ADAM9: variants seen among roughly 807,000 people sequenced by gnomAD.
ADAM9 encodes disintegrin and metalloproteinase domain-containing protein 9.
A neutral mutation model predicts 108.1 loss-of-function variants in ADAM9; 54 were observed. The observed-to-expected ratio is 0.50, with a 90% CI of 0.40 to 0.63. The LOEUF is 0.63. Among genes scored for constraint, ADAM9 ranks in the 20% least tolerant of loss-of-function variants. The probability of loss-of-function intolerance (pLI) is 0.00; values close to 1 mark genes in which losing one functional copy is unlikely to be tolerated. For missense variants in ADAM9, 830 were observed against 997.7 expected (o/e 0.83, Z 2.26); for synonymous variants, 316 against 336.0 (o/e 0.94, Z 0.65).
intron 14 of ADAM9, 96 bp from the exon 15 acceptor site, chr8:39,071,202 C>A: frequency 9.0e-7 from 1 of 1,113,074 alleles, no homozygotes; most frequent in Non-Finnish European, 1.3e-6. Context: ...TGAGGCTGTT[C>A]ATCCAGGTGT....
chr8:39,016,120 T>A lies in ADAM9; in HGVS notation c.336T>A (p.Asn112Lys). The change falls in exon 5 of 22, where the codon AAT (asparagine) becomes AAA (lysine). Residue 112 changes from asparagine (N) to lysine (K), a missense_variant and splice_region_variant. Asn to Lys is a moderately conservative substitution (Grantham distance 94). Coordinates refer to ENST00000487273, the MANE Select transcript of ADAM9 (RefSeq NM_003816.3). ...ATAATACAGTATTTTTCATTTAGAA[T>A]CATTGTCATTATCGGGGCTATGTGG... The part of the protein sequence containing the change: ...TLITDHPNIQ[N>K]HCHYRGYVEG... 6.2e-7 allele frequency: 1 copy of A among 1,613,262 alleles called. No individual in the cohort carries two copies. The highest frequency in any genetic ancestry group is 1.1e-5 in the South Asian group (1 of 91,056).
chr8:39,090,154 A>G lies in ADAM9; in HGVS notation c.2176A>G (p.Ser726Gly). ...IFIKRDQLWR[S>G]YFRKKRSQTY... is the part of the protein sequence containing the mutation. ...CATCAAGAGGGATCAACTGTGGAGA[A>G]GCTACTTCAGAAAGAAGAGATCACA... Residue 726 changes from serine to glycine, a missense_variant, in exon 19 of 22, where the codon AGC (serine) becomes GGC (glycine). Ser to Gly is a moderately conservative substitution (Grantham distance 56, BLOSUM62 0). This residue lies in a region of ADAM9 where 238 missense variants were observed against 235.7 expected (regional missense o/e 1.01). Transcript: ENST00000487273. 6.2e-7 allele frequency: 1 copy of G among 1,613,914 alleles called. No individual in the cohort carries two copies. The highest frequency in any genetic ancestry group is 1.1e-5 in the South Asian group (1 of 91,064).
chr8:39,014,640 G>T, intron 4 of ADAM9: 1 of 697,608 alleles, frequency 1.4e-6, no homozygotes, highest in Non-Finnish European at 2.6e-6. Context: ...GTGTTTTACA[G>T]TCCTTTTTGG....
chr8:39,033,503 T>A (rs184498256), intron 11 of ADAM9, among the ~76,000 whole-genome samples: 3 of 152,102 alleles, frequency 2.0e-5, no homozygotes, highest in East Asian at 3.9e-4. Context: ...TGTTTTTTTT[T>A]ATTTTTAATA....
intron 1 of ADAM9, among the ~76,000 whole-genome samples, chr8:39,006,596 A>G (rs1411584305): frequency 1.1e-5 from 1 of 94,118 alleles, no homozygotes; most frequent in Non-Finnish European, 2.4e-5. Flanking sequence ...AGCCATTGGT[A>G]ATAATGCTGG....
At chr8:39,101,595 G>A (rs1839696125) in intron 20 of ADAM9, among the ~76,000 whole-genome samples, 1 of 152,064 alleles carries the variant, frequency 6.6e-6, no homozygotes, top group African/African-American at 2.4e-5. Context: ...TTACCCTGAG[G>A]TTATATGTAT....
intron 20 of ADAM9, among the ~76,000 whole-genome samples, chr8:39,100,312 A>ACC (rs1329971380): frequency 1.4e-5 from 2 of 145,960 alleles, no homozygotes; most frequent in African/African-American, 5.1e-5. Flanking sequence ...ACATGGTGAA[A>ACC]CCCCGTCTCT....
At chr8:39,070,145 T>C in intron 14 of ADAM9, among the ~76,000 whole-genome samples, 1 of 109,508 alleles carries the variant, frequency 9.1e-6, no homozygotes, top group Admixed American at 1.1e-4. Context: ...AGAATGAGAC[T>C]CTGTCTCAAA....
At chr8:39,068,108 T>C (rs1009538895) in intron 14 of ADAM9, among the ~76,000 whole-genome samples, 1 of 152,188 alleles carries the variant, frequency 6.6e-6, no homozygotes, top group African/African-American at 2.4e-5. Flanking sequence ...CTGTTTCATA[T>C]TACCTTTTTT....
intron 12 of ADAM9, among the ~76,000 whole-genome samples, chr8:39,051,135 A>G (rs1179485238): frequency 6.6e-6 from 1 of 152,236 alleles, no homozygotes; most frequent in South Asian, 2.1e-4. Context: ...GGGATCTAAT[A>G]TATTCCAGGT....
At chr8:38,997,843 A>G (rs917850085) in intron 1 of ADAM9, among the ~76,000 whole-genome samples, 1 of 152,224 alleles carries the variant, frequency 6.6e-6, no homozygotes, top group African/African-American at 2.4e-5. Flanking sequence ...TTAAATCCGG[A>G]CAGATAATCC....
intron 11 of ADAM9, among the ~76,000 whole-genome samples, chr8:39,038,403 T>C (rs1414849646): frequency 6.6e-6 from 1 of 152,162 alleles, no homozygotes; most frequent in East Asian, 1.9e-4. Context: ...TATAGTGTTT[T>C]CCTCCCAGAT....
chr8:39,012,281 G>A (rs1261618737), intron 3 of ADAM9, among the ~76,000 whole-genome samples: 2 of 152,300 alleles, frequency 1.3e-5, no homozygotes, highest in African/African-American at 2.4e-5. Flanking sequence ...TGCTGATCAT[G>A]TAGCTAAAGT....
intron 12 of ADAM9, among the ~76,000 whole-genome samples, chr8:39,045,022 GTGTGTGCATACATACATATGTATGTGTA>G (rs1837593402): frequency 7.6e-6 from 1 of 131,274 alleles, no homozygotes; most frequent in Non-Finnish European, 1.6e-5. Flanking sequence ...ATGTGTATGT[GTGTGTGCATACATACATATGTATGTGTA>G]TGTGTGTGTG....
At chr8:39,035,846 A>C (rs542607241) in intron 11 of ADAM9, among the ~76,000 whole-genome samples, 73 of 152,148 alleles carry the variant, frequency 4.8e-4, no homozygotes, top group South Asian at 6.2e-4. Flanking sequence ...CAAAACAAAA[A>C]AAAGAATAAT....
At chr8:39,056,050 G>T (rs1370482696) in intron 14 of ADAM9, among the ~76,000 whole-genome samples, 1 of 151,942 alleles carries the variant, frequency 6.6e-6, no homozygotes, top group Non-Finnish European at 1.5e-5. Context: ...GTTGAATTGT[G>T]CACAAGGATC....
intron 14 of ADAM9, 33 bp from the exon 15 acceptor site, chr8:39,071,265 T>C: frequency 3.7e-6 from 6 of 1,602,348 alleles, no homozygotes; most frequent in Non-Finnish European, 5.1e-6. Flanking sequence ...GCCATAACTT[T>C]TTTTTTCTTT....
At chr8:39,019,337 A>G (rs1353840095) in intron 7 of ADAM9, among the ~76,000 whole-genome samples, 2 of 152,188 alleles carry the variant, frequency 1.3e-5, no homozygotes, top group Non-Finnish European at 2.9e-5. Context: ...AGAGATGGAA[A>G]ACCTCCAGGT....
intron 14 of ADAM9, among the ~76,000 whole-genome samples, chr8:39,063,579 A>G (rs571554258): frequency 2.2e-4 from 33 of 152,266 alleles, no homozygotes; most frequent in African/African-American, 7.5e-4. Context: ...AAAATTAGCC[A>G]GGCATAGTGG....
Sources: allele counts gnomAD v4.1 joint callset (sites outside exome capture counted in the v4.1 genomes callset), GRCh38; gene constraint gnomAD v4.1.1; regional missense constraint gnomAD v4.1.1; transcripts MANE v1.5; gene names NCBI Gene and HGNC (gene_info 2026-07-23, HGNC 2026-07-21).